Variants in SNX29 observed in about 807,000 individuals in gnomAD.
The protein encoded by SNX29 is sorting nexin 29, also known as sorting nexin-29.
Under a neutral mutation model 102.1 loss-of-function variants are expected in SNX29, and 78 were observed. That is an observed-to-expected ratio of 0.76 (90% CI 0.64 to 0.92). SNX29 has a LOEUF of 0.92. Among genes scored for constraint, SNX29 ranks in the 40% least tolerant of loss-of-function variants. SNX29 has a pLI of 0.00. For missense variants in SNX29, 1,280 were observed against 1,061.7 expected, an observed-to-expected ratio of 1.21 and a Z score of -2.86; for synonymous variants, 580 against 414.5, an observed-to-expected ratio of 1.40 and a Z score of -4.85.
chr16:12,189,574 T>C (rs2076592936), intron 13 of SNX29, among the ~76,000 whole-genome samples: 1 of 152,204 alleles, frequency 6.6e-6, no homozygotes, highest in East Asian at 1.9e-4. Context: ...ATGTTAACTT[T>C]GATCCTCTGA....
intron 1 of SNX29, 132 bp from the exon 2 acceptor site, chr16:11,999,165 G>A: frequency 1.3e-6 from 1 of 755,716 alleles, no homozygotes; most frequent in Non-Finnish European, 2.2e-6. Flanking sequence ...AAACTTCATT[G>A]TAATGATACA....
intron 15 of SNX29, among the ~76,000 whole-genome samples, chr16:12,288,678 GAAAAAA>G (rs532173454): frequency 1.9e-5 from 2 of 107,010 alleles, no homozygotes; most frequent in Admixed American, 9.5e-5. Context: ...GACATCTGGG[GAAAAAA>G]AAAAAAAAAA....
chr16:12,338,765 C>T (rs1412046709), intron 15 of SNX29, among the ~76,000 whole-genome samples: 1 of 152,194 alleles, frequency 6.6e-6, no homozygotes, highest in Admixed American at 6.5e-5. Context: ...TGGAATCTCT[C>T]CCTGCAGACC....
intron 18 of SNX29, among the ~76,000 whole-genome samples, chr16:12,456,690 G>A (rs1260150314): frequency 2.6e-5 from 4 of 152,080 alleles, no homozygotes; most frequent in Middle Eastern, 3.2e-3. Flanking sequence ...GTGTGCACCC[G>A]GTAGCATGTG....
At chr16:12,234,707 A>G (rs1248679497) in intron 14 of SNX29, among the ~76,000 whole-genome samples, 1 of 152,198 alleles carries the variant, frequency 6.6e-6, no homozygotes, top group African/African-American at 2.4e-5. Flanking sequence ...GCTTCAGCCC[A>G]GAGGTTTTGG....
Position 12,433,630 on chromosome 16 carries a change from C to CAAAAAA in SNX29, c.2037+30116_2037+30121dup, listed in dbSNP as rs1235730528. Reference sequence around the variant, plus strand: ...TGGGCAACAGAGCAAGACTGCGTCTCAAAAAAAAAAAAAAAAAAAAGGAAA... The same window carrying CAAAAAA: ...TGGGCAACAGAGCAAGACTGCGTCTCAAAAAAAAAAAAAAAAAAAAAAAAAAGGAAA... On this transcript the variant is annotated intron_variant, in intron 18 of 20. Transcript: ENST00000566228. Among the ~76,000 whole-genome samples, 14 of 55,356 alleles carry CAAAAAA rather than the reference C, an allele frequency of 2.5e-4. No homozygotes were observed. In the East Asian group the frequency reaches 3.7e-3, roughly 15 times the overall value. The allele number at this position is 55,356 out of a possible 152,430, so 36.3% of individuals were successfully genotyped here. A position where few individuals can be genotyped will look rare whatever the true frequency, so the allele number is the denominator to read the frequency against.
chr16:12,486,378 G>C (rs1264503885), intron 19 of SNX29, among the ~76,000 whole-genome samples: 1 of 152,208 alleles, frequency 6.6e-6, no homozygotes, highest in African/African-American at 2.4e-5. Context: ...TTGAGGCATA[G>C]ACACTTTGGG....
In SNX29 at chr16:12,296,139, C is replaced by A. The variant is rs143124656; in HGVS notation, c.1782+18103C>A. ...CTTTTAAAGTTAATGGAAAATTCTC[C>A]CCTTCCTGTGCTCTGGCTCGGGAGG... On this transcript the variant is annotated intron_variant, in intron 15 of 20. Transcript: ENST00000566228. 6.6e-3 allele frequency among the ~76,000 whole-genome samples: 1,004 copies of A among 152,240 alleles called. 4 individuals are homozygous for A. Among genetic ancestry groups the A allele is most frequent in the Non-Finnish European group, 0.01 (697 of 68,010 alleles).
chr16:12,407,037 G>C (rs937632386), intron 18 of SNX29, among the ~76,000 whole-genome samples: 1 of 152,252 alleles, frequency 6.6e-6, no homozygotes, highest in Non-Finnish European at 1.5e-5. Context: ...CCCACACACA[G>C]AGGTCTGCAG....
chr16:12,389,497 C>CT (rs1466365820), intron 16 of SNX29, among the ~76,000 whole-genome samples: 1 of 152,180 alleles, frequency 6.6e-6, no homozygotes, highest in African/African-American at 2.4e-5. Context: ...CTTGCTCTTC[C>CT]TTGCCTTCCA....
intron 20 of SNX29, among the ~76,000 whole-genome samples, chr16:12,535,878 C>T (rs572368667): frequency 6.6e-6 from 1 of 152,222 alleles, no homozygotes; most frequent in Non-Finnish European, 1.5e-5. Flanking sequence ...TGTCCAAGGT[C>T]CTACCCATCT....
chr16:12,057,061 A>T (rs865929202), intron 8 of SNX29, among the ~76,000 whole-genome samples: 1 of 151,974 alleles, frequency 6.6e-6, no homozygotes, highest in African/African-American at 2.4e-5. Flanking sequence ...TGATCCTCCT[A>T]TGTTGGCCTC....
chr16:12,570,311 T>C lies in SNX29; in HGVS notation c.*1682T>C, dbSNP rs1237487531. On this transcript the variant is annotated 3_prime_UTR_variant, in exon 21 of 21. Coordinates refer to ENST00000566228, the MANE Select transcript of SNX29 (RefSeq NM_032167.5). ...TTGCGAGTGTGGAGGACCCGAGACATCCTGTAAAGGCAACTTGGTCTCCCT... is the reference window on the plus strand; with the variant it reads ...TTGCGAGTGTGGAGGACCCGAGACACCCTGTAAAGGCAACTTGGTCTCCCT... 9.8e-7 allele frequency: 1 copy of C among 1,016,316 alleles called. No homozygotes were observed. Among genetic ancestry groups the C allele is most frequent in the Non-Finnish European group, 1.2e-6 (1 of 834,794 alleles). 63.0% of individuals were successfully genotyped at this position (1,016,316 alleles called of 1,614,324 possible).
chr16:12,303,068 A>G (rs926937727), intron 15 of SNX29, among the ~76,000 whole-genome samples: 1 of 152,252 alleles, frequency 6.6e-6, no homozygotes, highest in Non-Finnish European at 1.5e-5. Context: ...AAACAAATGC[A>G]GCCCAAACCA....
intron 14 of SNX29, among the ~76,000 whole-genome samples, chr16:12,213,253 C>G (rs990016132): frequency 2.0e-5 from 3 of 152,176 alleles, no homozygotes; most frequent in Non-Finnish European, 4.4e-5. Flanking sequence ...AGCACATCCT[C>G]TAACTTAGAA....
chr16:12,040,419 T>C (rs1327456249), intron 4 of SNX29, among the ~76,000 whole-genome samples: 1 of 152,130 alleles, frequency 6.6e-6, no homozygotes, highest in Admixed American at 6.5e-5. Flanking sequence ...TAAAAATCTG[T>C]GTACATGTGG....
intron 14 of SNX29, among the ~76,000 whole-genome samples, chr16:12,274,035 G>A (rs904999519): frequency 1.3e-5 from 2 of 152,112 alleles, no homozygotes; most frequent in Non-Finnish European, 2.9e-5. Context: ...AGTATTCTCT[G>A]GCTCCCTTTT....
At chr16:12,541,685 C>G (rs764661071) in intron 20 of SNX29, among the ~76,000 whole-genome samples, 3 of 152,172 alleles carry the variant, frequency 2.0e-5, no homozygotes, top group East Asian at 3.9e-4. Context: ...CCGTTTACCA[C>G]TACCCTGGGG....
At chr16:12,434,939 C>T (rs1042633423) in intron 18 of SNX29, among the ~76,000 whole-genome samples, 5 of 127,090 alleles carry the variant, frequency 3.9e-5, no homozygotes, top group Non-Finnish European at 7.8e-5. Flanking sequence ...GGAACTGGCA[C>T]TTGGTGTCTT....
Sources: allele counts gnomAD v4.1 joint callset (sites outside exome capture counted in the v4.1 genomes callset), GRCh38; gene constraint gnomAD v4.1.1; transcripts MANE v1.5; gene names NCBI Gene and HGNC (gene_info 2026-07-23, HGNC 2026-07-21).